The following BST1 variants were observed in gnomAD, a reference collection of about 807,000 sequenced individuals.
BST1 encodes bone marrow stromal cell antigen 1.
BST1 carries 49 observed loss-of-function variants against 40.6 expected under a neutral mutation model. That is an observed-to-expected ratio of 1.21 (90% CI 0.96 to 1.53). The LOEUF (loss-of-function observed/expected upper bound fraction) is 1.53. BST1 is among the 40% of genes most tolerant of loss of function. The probability of loss-of-function intolerance (pLI) is 0.00; values close to 1 mark genes in which losing one functional copy is unlikely to be tolerated. For synonymous variants in BST1, 157 were observed against 159.3 expected (o/e 0.99, Z 0.11); for missense variants, 423 against 395.9 (o/e 1.07, Z -0.58).
At chr4:15,749,774 A>G in the BST1 span, among the ~76,000 whole-genome samples, 1 of 152,204 alleles carries the variant, frequency 6.6e-6, no homozygotes, top group African/African-American at 2.4e-5. Context: ...TGAAATAAGC[A>G]CATCATGAAA....
chr4:15,757,505 CCCG>C, the BST1 span, among the ~76,000 whole-genome samples: 46 of 152,026 alleles, frequency 3.0e-4, no homozygotes, highest in African/African-American at 1.0e-3. Flanking sequence ...ACACCCCCAC[CCCG>C]CCCCGCAGAC....
In BST1 at chr4:15,711,687, T is replaced by C. The variant is rs6838449; in HGVS notation, c.452-120T>C. 918 of 796,798 alleles carry C rather than the reference T, an allele frequency of 1.2e-3. 4 individuals carry two copies. In the African/African-American group the frequency reaches 0.014, roughly 12 times the overall value. 49.4% of individuals were successfully genotyped at this position (796,798 alleles called of 1,614,324 possible). On this transcript the variant is annotated intron_variant, in intron 3 of 8. Transcript: ENST00000265016. ...GGAAGAACTGTGGATGTTAAACTTG[T>C]ACACATTGTACAGAATGGAAGCTAA...
downstream of BST1, among the ~76,000 whole-genome samples, chr4:15,739,669 G>A (rs904034145): frequency 2.0e-5 from 3 of 151,664 alleles, no homozygotes; most frequent in African/African-American, 7.3e-5. Context: ...TTTGCTATAG[G>A]ACATGTGACA....
chr4:15,751,676 A>G, the BST1 span, among the ~76,000 whole-genome samples: 25,371 of 151,734 alleles, frequency 0.17, 2,278 homozygotes, highest in East Asian at 0.37. Context: ...TTTATATAGT[A>G]TATGTATATC....
chr4:15,744,600 C>G, the BST1 span, among the ~76,000 whole-genome samples: 3 of 152,120 alleles, frequency 2.0e-5, no homozygotes, highest in Admixed American at 2.0e-4. Context: ...ATATCACATT[C>G]CAAAAGAAAG....
At chr4:15,734,182 G>A (rs1721482634), downstream of BST1, among the ~76,000 whole-genome samples, 1 of 152,170 alleles carries the variant, frequency 6.6e-6, no homozygotes, top group African/African-American at 2.4e-5. Context: ...TGGGGGTTGA[G>A]AATGATCAGG....
the BST1 span, among the ~76,000 whole-genome samples, chr4:15,757,640 T>G: frequency 6.6e-6 from 1 of 152,114 alleles, no homozygotes; most frequent in Admixed American, 6.6e-5. Flanking sequence ...AAAATTTTAT[T>G]TATTTATTTA....
At chr4:15,748,445 G>T in the BST1 span, among the ~76,000 whole-genome samples, 1 of 152,102 alleles carries the variant, frequency 6.6e-6, no homozygotes, top group Non-Finnish European at 1.5e-5. Flanking sequence ...CAACTCTCTG[G>T]GGGGTCATGG....
intron 8 of BST1, among the ~76,000 whole-genome samples, chr4:15,729,262 G>C (rs905266862): frequency 9.9e-5 from 15 of 152,104 alleles, no homozygotes; most frequent in African/African-American, 3.6e-4. Flanking sequence ...GACCAGCCTA[G>C]GCAACATGGC....
At chr4:15,708,301 G>A (rs1024768473) in intron 3 of BST1, among the ~76,000 whole-genome samples, 1 of 152,202 alleles carries the variant, frequency 6.6e-6, no homozygotes, top group Admixed American at 6.5e-5. Flanking sequence ...TGGCCTGAAT[G>A]TTCTGCAAAC....
At chr4:15,748,425 C>T in the BST1 span, among the ~76,000 whole-genome samples, 13 of 152,156 alleles carry the variant, frequency 8.5e-5, no homozygotes, top group African/African-American at 2.6e-4. Context: ...GGGGAGAAAG[C>T]GACTCCTGCC....
At chr4:15,734,846 A>C (rs1027886624), downstream of BST1, among the ~76,000 whole-genome samples, 2 of 152,228 alleles carry the variant, frequency 1.3e-5, no homozygotes, top group Non-Finnish European at 2.9e-5. Context: ...TCAGTCGGAC[A>C]CTGCCACAGG....
At chr4:15,754,024 C>T in the BST1 span, among the ~76,000 whole-genome samples, 1 of 152,122 alleles carries the variant, frequency 6.6e-6, no homozygotes, top group Admixed American at 6.5e-5. Flanking sequence ...CCTCCTGGGG[C>T]TGGATCCAGG....
rs201687199 is a variant in BST1, at chr4:15,709,941, T to G, written c.452-1866T>G. Among the ~76,000 whole-genome samples the G allele has an allele frequency of 5.3e-4, 80 of 152,060 alleles. 1 individual carries two copies. In the East Asian group the frequency reaches 9.3e-3, roughly 18 times the overall value. ...GCCAAACCATTGACAGCAGCTCTTT[T>G]TTATTTTATTTATTTATTTATTTAT... On this transcript the variant is annotated intron_variant, in intron 3 of 8. Coordinates refer to ENST00000265016, the MANE Select transcript of BST1 (RefSeq NM_004334.3).
At chr4:15,768,554 C>T in the BST1 span, among the ~76,000 whole-genome samples, 3 of 142,914 alleles carry the variant, frequency 2.1e-5, no homozygotes, top group Admixed American at 1.5e-4. Flanking sequence ...ACTGCAGTGG[C>T]GCAATCTCGG....
rs78801227 is a variant in BST1 at position 15,706,276 on chromosome 4, A to G, written c.315+635A>G. On this transcript the variant is annotated intron_variant, in intron 2 of 8. Transcript: ENST00000265016. ...AGTTAGTGTGAGAATCAACATGAGG[A>G]CATCAGGACATGGCCATACCTGTCA... Among the ~76,000 whole-genome samples, 1,041 of 152,316 alleles carry G rather than the reference A, an allele frequency of 6.8e-3. 21 individuals carry two copies. The highest frequency in any genetic ancestry group is 0.024 in the African/African-American group (991 of 41,572).
At chr4:15,757,042 A>C in the BST1 span, among the ~76,000 whole-genome samples, 1 of 152,236 alleles carries the variant, frequency 6.6e-6, no homozygotes, top group East Asian at 1.9e-4. Flanking sequence ...TATCAGGAAG[A>C]GGGCTGTTCC....
At chr4:15,708,578 A>C (rs553011235) in intron 3 of BST1, among the ~76,000 whole-genome samples, 1 of 152,218 alleles carries the variant, frequency 6.6e-6, no homozygotes, top group South Asian at 2.1e-4. Flanking sequence ...GAGTTACTTC[A>C]AAAGTTAACC....
the BST1 span, among the ~76,000 whole-genome samples, chr4:15,747,636 A>T: frequency 4.6e-5 from 7 of 152,352 alleles, no homozygotes; most frequent in Non-Finnish European, 4.4e-5. Context: ...GCCAAAGCAC[A>T]GTAGTAAATA....
Sources: gnomAD v4.1 joint callset for allele counts (sites outside exome capture counted in the v4.1 genomes callset) on GRCh38, gnomAD v4.1.1 for gene constraint, MANE v1.5 for transcripts, NCBI Gene and HGNC (gene_info 2026-07-23, HGNC 2026-07-21) for gene names.